Variants in ANKFN1 observed in about 807,000 individuals in gnomAD.
The protein encoded by ANKFN1 is ankyrin repeat and fibronectin type III domain containing 1.
A neutral mutation model predicts 108.7 loss-of-function variants in ANKFN1; 74 were observed. The ratio of observed to expected loss-of-function variants is 0.68; its 90% CI spans 0.56 to 0.83. The LOEUF (loss-of-function observed/expected upper bound fraction) is 0.83. ANKFN1 is among the 40% of genes least tolerant of loss of function. ANKFN1 has a pLI of 0.00. For missense variants in ANKFN1, 1,505 were observed against 1,382.3 expected, an observed-to-expected ratio of 1.09 and a Z score of -1.41; for synonymous variants, 547 against 516.2, an observed-to-expected ratio of 1.06 and a Z score of -0.81.
At chr17:56,495,342 A>C (rs913812273) in intron 19 of ANKFN1, among the ~76,000 whole-genome samples, 1 of 143,792 alleles carries the variant, frequency 7.0e-6, no homozygotes, top group African/African-American at 2.6e-5. Context: ...TCTCTCACTC[A>C]CTCACTCACT....
At chr17:56,371,706 C>G (rs900208547) in intron 6 of ANKFN1, among the ~76,000 whole-genome samples, 10 of 152,134 alleles carry the variant, frequency 6.6e-5, no homozygotes, top group African/African-American at 2.4e-4. Flanking sequence ...ACCAAGTGAC[C>G]ATCGTGGCAG....
intron 4 of ANKFN1, among the ~76,000 whole-genome samples, chr17:56,069,502 A>G (rs1154987): frequency 0.72 from 109,400 of 152,042 alleles, 39,779 homozygotes; most frequent in Non-Finnish European, 0.78. Flanking sequence ...GAATGAGGTT[A>G]TATCTCTGAA....
At chr17:56,456,194 G>A (rs1025467747) in intron 11 of ANKFN1, among the ~76,000 whole-genome samples, 3 of 152,092 alleles carry the variant, frequency 2.0e-5, no homozygotes, top group African/African-American at 7.2e-5. Context: ...AGGCAATTGC[G>A]GGAGTTGGGA....
intron 4 of ANKFN1, among the ~76,000 whole-genome samples, chr17:56,074,241 C>T (rs1319314182): frequency 6.6e-6 from 1 of 152,210 alleles, no homozygotes; most frequent in African/African-American, 2.4e-5. Context: ...AGTTTCCTCT[C>T]ATCTCCTGTA....
chr17:56,503,865 C>T (rs1482270028), intron 20 of ANKFN1, among the ~76,000 whole-genome samples: 1 of 152,194 alleles, frequency 6.6e-6, no homozygotes, highest in East Asian at 1.9e-4. Context: ...TTTTACCAGT[C>T]CTGGCCTGCC....
chr17:56,500,229 A>T (rs1457273532), intron 20 of ANKFN1, among the ~76,000 whole-genome samples: 4 of 152,154 alleles, frequency 2.6e-5, no homozygotes, highest in South Asian at 2.1e-4. Flanking sequence ...ATTTAATGTT[A>T]TTTTTATTAT....
At chr17:56,404,045 A>AG (rs1567975909) in intron 8 of ANKFN1, among the ~76,000 whole-genome samples, 1 of 152,018 alleles carries the variant, frequency 6.6e-6, no homozygotes, top group Non-Finnish European at 1.5e-5. Context: ...TGCTAATCCA[A>AG]GTTTTTCCTT....
chr17:56,267,712 A>G (rs571725703), intron 3 of ANKFN1, among the ~76,000 whole-genome samples: 8 of 152,246 alleles, frequency 5.3e-5, no homozygotes, highest in African/African-American at 1.4e-4. Context: ...GTATGTGTGC[A>G]GCTTTATTTC....
At chr17:56,147,868 C>T (rs7225261) in intron 4 of ANKFN1, among the ~76,000 whole-genome samples, 44,604 of 152,078 alleles carry the variant, frequency 0.29, 8,116 homozygotes, top group South Asian at 0.42. Flanking sequence ...ATAAAAATCT[C>T]AACCTGTTAG....
chr17:56,351,104 A>T lies in ANKFN1; in HGVS notation c.390+137A>T, dbSNP rs575855183. ...TATAAATGCTGGAATAGATTCAGGTAGGGTAGTAACTGTACATATTTATGT... is the reference window on the plus strand; with the variant it reads ...TATAAATGCTGGAATAGATTCAGGTTGGGTAGTAACTGTACATATTTATGT... On this transcript the variant is annotated intron_variant, in intron 5 of 20. Coordinates refer to ENST00000682825, the MANE Select transcript of ANKFN1 (RefSeq NM_001370326.1). The T allele has an allele frequency of 8.6e-6, 7 of 816,388 alleles. No individual in the cohort carries two copies. The East Asian group carries it at 1.9e-4, about 22-fold the overall frequency. The allele number at this position is 816,388 out of a possible 1,614,324, so 50.6% of individuals were successfully genotyped here.
At chr17:56,192,894 A>G (rs1454075850) in intron 1 of ANKFN1, among the ~76,000 whole-genome samples, 7 of 121,358 alleles carry the variant, frequency 5.8e-5, no homozygotes, top group African/African-American at 2.0e-4. Flanking sequence ...CAGCCATCCC[A>G]TTACTGGGTA....
intron 8 of ANKFN1, among the ~76,000 whole-genome samples, chr17:56,432,676 T>C: frequency 6.6e-6 from 1 of 152,200 alleles, no homozygotes; most frequent in Non-Finnish European, 1.5e-5. Flanking sequence ...ACCTGGACTC[T>C]TGTACTGCCC....
At chr17:56,280,126 C>T (rs556889116) in intron 3 of ANKFN1, among the ~76,000 whole-genome samples, 4 of 151,788 alleles carry the variant, frequency 2.6e-5, no homozygotes, top group South Asian at 4.2e-4. Flanking sequence ...TTCCCTGCCT[C>T]GGCCTCCCGA....
rs191807026 is a variant in ANKFN1, at chr17:56,101,848, G to A, written c.288+55523G>A. ...CTCTTATTTAAAATGCAGATTCTGG[G>A]CCTCATCCTACTACCTAATGAATCA... On this transcript the variant is annotated intron_variant, in intron 4 of 12. Coordinates refer to the ANKFN1 transcript ENST00000635860. Among the ~76,000 whole-genome samples, 228 of 152,284 alleles carry A rather than the reference G, an allele frequency of 1.5e-3. 2 individuals carry two copies. The highest frequency in any genetic ancestry group is 5.4e-3 in the African/African-American group (223 of 41,560).
At chr17:56,508,610 AAATT>A (rs1789881458) in intron 20 of ANKFN1, among the ~76,000 whole-genome samples, 1 of 152,240 alleles carries the variant, frequency 6.6e-6, no homozygotes, top group African/African-American at 2.4e-5. Context: ...ATGAAGACAT[AAATT>A]AATACAGACA....
chr17:56,243,984 A>G (rs1274886037), intron 3 of ANKFN1, among the ~76,000 whole-genome samples: 1 of 152,110 alleles, frequency 6.6e-6, no homozygotes, highest in African/African-American at 2.4e-5. Context: ...TAGTTTAGCC[A>G]CAGACCCTCA....
intron 8 of ANKFN1, among the ~76,000 whole-genome samples, chr17:56,420,952 C>T (rs933761467): frequency 2.6e-5 from 4 of 152,094 alleles, no homozygotes; most frequent in Non-Finnish European, 2.9e-5. Flanking sequence ...TCGTGATCCG[C>T]CCGCCTCGGC....
chr17:56,321,037 G>C (rs1421460992), intron 3 of ANKFN1, among the ~76,000 whole-genome samples: 4 of 148,876 alleles, frequency 2.7e-5, no homozygotes, highest in African/African-American at 1.0e-4. Flanking sequence ...TAGCATGCCC[G>C]TGAGCAGTCT....
upstream of ANKFN1, among the ~76,000 whole-genome samples, chr17:56,149,122 C>T (rs1908441860): frequency 6.6e-6 from 1 of 151,992 alleles, no homozygotes; most frequent in Non-Finnish European, 1.5e-5. Flanking sequence ...TACATGGAGG[C>T]AGTGGCGGGG....
Sources: allele counts gnomAD v4.1 joint callset (sites outside exome capture counted in the v4.1 genomes callset), GRCh38; gene constraint gnomAD v4.1.1; transcripts MANE v1.5; gene names NCBI Gene and HGNC (gene_info 2026-07-23, HGNC 2026-07-21).